The following FAS variants were observed in gnomAD, a reference collection of about 807,000 sequenced individuals.
FAS encodes the protein tumor necrosis factor receptor superfamily member 6.
FAS carries 5 observed loss-of-function variants against 33.2 expected under a neutral mutation model. The ratio of observed to expected loss-of-function variants is 0.15; its 90% CI spans 0.08 to 0.32. The LOEUF (loss-of-function observed/expected upper bound fraction) is 0.32. Ranked by LOEUF, FAS falls within the 10% of genes least tolerant of loss-of-function variation. The probability of loss-of-function intolerance (pLI) is 1.00; values close to 1 mark genes in which losing one functional copy is unlikely to be tolerated. For synonymous variants in FAS, 131 were observed against 130.7 expected, an observed-to-expected ratio of 1.00 and a Z score of -0.01; for missense variants, 339 against 386.0, an observed-to-expected ratio of 0.88 and a Z score of 1.02.
chr10:88,991,010 G>C, intron 1 of FAS, 104 bp downstream of exon 1: 1 of 1,508,860 alleles, frequency 6.6e-7, no homozygotes, highest in Admixed American at 1.8e-5. Flanking sequence ...CGGCAGCGGC[G>C]CACGCGGGCA....
chr10:88,970,895 G>GTATA (rs1462787126), intron 1 of FAS, among the ~76,000 whole-genome samples: 25 of 144,106 alleles, frequency 1.7e-4, no homozygotes, highest in Middle Eastern at 3.5e-3. Context: ...GTGTGTGTGT[G>GTATA]TGTATATATA....
chr10:88,986,879 T>G (rs1846909066), upstream of FAS, among the ~76,000 whole-genome samples: 1 of 152,172 alleles, frequency 6.6e-6, no homozygotes, highest in Non-Finnish European at 1.5e-5. Context: ...TGAAGTCACT[T>G]CATTTAGGAA....
intron 1 of FAS, among the ~76,000 whole-genome samples, chr10:89,001,275 T>TG (rs970398884): frequency 1.1e-4 from 16 of 151,884 alleles, no homozygotes; most frequent in African/African-American, 3.1e-4. Flanking sequence ...TTTTTTTTTT[T>TG]TTTGTGCTTC....
chr10:88,988,512 A>C (rs116310164), upstream of FAS, among the ~76,000 whole-genome samples: 1 of 151,602 alleles, frequency 6.6e-6, no homozygotes, highest in African/African-American at 2.4e-5. Context: ...ATGTTCAGAA[A>C]CCAGGATATC....
intron 4 of FAS, among the ~76,000 whole-genome samples, chr10:89,009,898 T>C (rs9658759): frequency 3.3e-5 from 5 of 152,206 alleles, no homozygotes; most frequent in Admixed American, 3.3e-4. Context: ...AAATAGATAA[T>C]ATTATTTCCA....
chr10:89,011,303 A>G (rs544583250), intron 6 of FAS, among the ~76,000 whole-genome samples: 15 of 152,338 alleles, frequency 9.8e-5, no homozygotes, highest in African/African-American at 3.6e-4. Context: ...GACTTAGTAG[A>G]GTCAGTAGAA....
chr10:88,966,613 C>CA (rs1846322162), intron 1 of FAS, among the ~76,000 whole-genome samples: 2 of 152,142 alleles, frequency 1.3e-5, no homozygotes, highest in Admixed American at 1.3e-4. Flanking sequence ...ATGACTTAGA[C>CA]AGAGTGCCTA....
chr10:88,976,251 G>T (rs961978968), intron 2 of FAS, among the ~76,000 whole-genome samples: 1 of 152,130 alleles, frequency 6.6e-6, no homozygotes. Flanking sequence ...GAAAGTTTAC[G>T]AATTCGTGTT....
At chr10:89,006,176 A>T (rs1848218594) in intron 2 of FAS, among the ~76,000 whole-genome samples, 1 of 152,244 alleles carries the variant, frequency 6.6e-6, no homozygotes, top group Non-Finnish European at 1.5e-5. Context: ...ATAATTCATT[A>T]AAGAGACCAA....
At chr10:89,005,509 C>CATAT (rs9658746) in intron 2 of FAS, among the ~76,000 whole-genome samples, 2 of 151,092 alleles carry the variant, frequency 1.3e-5, no homozygotes, top group Admixed American at 1.3e-4. Flanking sequence ...ACACATTGTA[C>CATAT]ATATATATAT....
At chr10:88,989,978 G>A (rs1847068739), upstream of FAS, among the ~76,000 whole-genome samples, 1 of 152,168 alleles carries the variant, frequency 6.6e-6, no homozygotes, top group South Asian at 2.1e-4. Flanking sequence ...GTTCACCAGA[G>A]CACGAAAGAA....
chr10:88,984,945 G>A (rs1017089763), upstream of FAS, among the ~76,000 whole-genome samples: 1 of 152,186 alleles, frequency 6.6e-6, no homozygotes, highest in African/African-American at 2.4e-5. Flanking sequence ...CAGTGCTTAT[G>A]CTCTCTAGCC....
At chr10:88,995,024 C>T (rs1847500879) in intron 1 of FAS, among the ~76,000 whole-genome samples, 1 of 151,726 alleles carries the variant, frequency 6.6e-6, no homozygotes, top group South Asian at 2.1e-4. Context: ...ATATGTTGTA[C>T]CTTGTACTTC....
rs1285396611 is a variant in FAS, at chr10:89,001,582, A to G, written c.31-1447A>G. On this transcript the variant is annotated intron_variant, in intron 1 of 8. Coordinates refer to ENST00000652046, the MANE Select transcript of FAS (RefSeq NM_000043.6). Reference sequence around the variant, plus strand: ...AGTGTGGAGATCCTTTCAGACTGCCATGGTGCTAGGGCAGAGTTTCAGTCA... The same window carrying G: ...AGTGTGGAGATCCTTTCAGACTGCCGTGGTGCTAGGGCAGAGTTTCAGTCA... Among the ~76,000 whole-genome samples, 5 of 151,230 alleles carry G rather than the reference A, an allele frequency of 3.3e-5. No individual in the cohort carries two copies. The Admixed American group carries it at 3.3e-4, about 10-fold the overall frequency.
Position 89,003,184 on chromosome 10 carries a change from C to G in FAS, c.186C>G (p.Pro62=), listed in dbSNP as rs557122257. 3.1e-6 allele frequency: 5 copies of G among 1,614,098 alleles called. No homozygotes were observed. In the South Asian group the frequency reaches 5.5e-5, roughly 18 times the overall value. The part of the protein sequence containing the change: ...LHHDGQFCHK[P]CPPGERKARD... ...ATGATGGCCAATTCTGCCATAAGCC[C>G]TGTCCTCCAGGTATGTTACACAAAA... Residue 62 remains proline (P), a synonymous_variant, in exon 2 of 9, where the codon CCC becomes CCG. Coordinates refer to ENST00000652046, the MANE Select transcript of FAS (RefSeq NM_000043.6).
upstream of FAS, among the ~76,000 whole-genome samples, chr10:88,986,456 A>G (rs572452036): frequency 1.3e-5 from 2 of 152,098 alleles, no homozygotes; most frequent in East Asian, 3.9e-4. Context: ...TCTTTAATGC[A>G]TTGTCTTTTT....
chr10:89,001,752 G>T (rs1304689505), intron 1 of FAS, among the ~76,000 whole-genome samples: 2 of 152,178 alleles, frequency 1.3e-5, no homozygotes, highest in Non-Finnish European at 2.9e-5. Flanking sequence ...CGGATACAAA[G>T]AACAAATTTC....
At chr10:89,009,049 T>C in intron 4 of FAS, 52 bp downstream of exon 4, 4 of 1,470,696 alleles carry the variant, frequency 2.7e-6, no homozygotes, top group Non-Finnish European at 3.8e-6. Context: ...ATGAGAGTTA[T>C]CATTTTCCTA....
intron 1 of FAS, chr10:88,992,628 T>C (rs1847313887): frequency 6.6e-6 from 1 of 152,234 alleles, no homozygotes; most frequent in Non-Finnish European, 1.5e-5. Flanking sequence ...TATATTTGTA[T>C]ATGATATATG....
Sources: gnomAD v4.1 joint callset for allele counts (sites outside exome capture counted in the v4.1 genomes callset) on GRCh38, gnomAD v4.1.1 for gene constraint, MANE v1.5 for transcripts, NCBI Gene and HGNC (gene_info 2026-07-23, HGNC 2026-07-21) for gene names.